PCDH9: variants seen among roughly 807,000 people sequenced by gnomAD.
PCDH9 encodes the protein protocadherin 9, also known as protocadherin-9.
A neutral mutation model predicts 70.6 loss-of-function variants in PCDH9; 24 were observed. That is an observed-to-expected ratio of 0.34 (90% CI 0.25 to 0.48). The LOEUF is 0.48. PCDH9 is among the 20% of genes least tolerant of loss of function. The pLI, the probability that PCDH9 is intolerant of heterozygous loss-of-function variation, is 0.99. For missense variants in PCDH9, 1,281 were observed against 1,503.6 expected (o/e 0.85, Z 2.45); for synonymous variants, 562 against 558.5 (o/e 1.01, Z -0.09).
chr13:67,034,641 C>T (rs260150), intron 2 of PCDH9, among the ~76,000 whole-genome samples: 61,346 of 150,942 alleles, frequency 0.41, 12,829 homozygotes, highest in East Asian at 0.64. Flanking sequence ...TTGGTCTATG[C>T]TTTTATGCTA....
Position 67,011,758 on chromosome 13 carries a change from C to T in PCDH9, c.3037-108153G>A, listed in dbSNP as rs74093516. Reference sequence around the variant, plus strand: ...TTGGAGAGCTGAATATTGTAGGCTGCTTTTCTTAAAATTATCCTGCAAAAA... The same window carrying T: ...TTGGAGAGCTGAATATTGTAGGCTGTTTTTCTTAAAATTATCCTGCAAAAA... On this transcript the variant is annotated intron_variant, in intron 2 of 4. Transcript: ENST00000377865. Among the ~76,000 whole-genome samples, 380 of 151,940 alleles carry T rather than the reference C, an allele frequency of 2.5e-3. 1 individual carries two copies. Among genetic ancestry groups the T allele is most frequent in the African/African-American group, 8.7e-3 (363 of 41,496 alleles).
chr13:66,720,331 T>TG (rs1440289617), intron 3 of PCDH9, among the ~76,000 whole-genome samples: 1 of 149,198 alleles, frequency 6.7e-6, no homozygotes, highest in East Asian at 2.0e-4. Context: ...TTTTTGTTTT[T>TG]TTTTTTTTTT....
At chr13:66,865,806 GT>G (rs1372499779) in intron 3 of PCDH9, among the ~76,000 whole-genome samples, 28 of 152,152 alleles carry the variant, frequency 1.8e-4, no homozygotes, top group Admixed American at 1.8e-3. Flanking sequence ...TATGGCAGCT[GT>G]AACAGAATTT....
At chr13:66,722,474 A>C (rs1345082705) in intron 3 of PCDH9, among the ~76,000 whole-genome samples, 1 of 152,172 alleles carries the variant, frequency 6.6e-6, no homozygotes, top group Non-Finnish European at 1.5e-5. Flanking sequence ...GCCATGGTAG[A>C]CTATCCAGGG....
chr13:66,510,218 G>A (rs1959399117), intron 4 of PCDH9, among the ~76,000 whole-genome samples: 1 of 151,916 alleles, frequency 6.6e-6, no homozygotes, highest in African/African-American at 2.4e-5. Flanking sequence ...CCAATCTACT[G>A]CATGGTTAGC....
At chr13:66,779,681 C>A (rs941655920) in intron 3 of PCDH9, among the ~76,000 whole-genome samples, 1 of 151,630 alleles carries the variant, frequency 6.6e-6, no homozygotes, top group Non-Finnish European at 1.5e-5. Context: ...ATTAGCTGGG[C>A]GTAGTGGCAT....
intron 4 of PCDH9, among the ~76,000 whole-genome samples, chr13:66,553,911 A>G (rs1961605777): frequency 6.6e-6 from 1 of 152,188 alleles, no homozygotes; most frequent in Admixed American, 6.5e-5. Flanking sequence ...AGGTGCCATA[A>G]TTATTTCATT....
At chr13:66,461,120 T>C (rs941024977) in intron 4 of PCDH9, among the ~76,000 whole-genome samples, 75 of 151,920 alleles carry the variant, frequency 4.9e-4, no homozygotes, top group African/African-American at 1.8e-3. Flanking sequence ...AATGCTAAAA[T>C]AAATTAATCG....
At chr13:66,345,373 A>AT (rs999256376) in intron 4 of PCDH9, among the ~76,000 whole-genome samples, 11 of 151,430 alleles carry the variant, frequency 7.3e-5, no homozygotes, top group South Asian at 4.2e-4. Flanking sequence ...TAATGAGGTA[A>AT]TTTTTTTTTC....
At chr13:66,548,833 C>A (rs1961339734) in intron 4 of PCDH9, among the ~76,000 whole-genome samples, 1 of 151,890 alleles carries the variant, frequency 6.6e-6, no homozygotes, top group Non-Finnish European at 1.5e-5. Context: ...CCCAGAGTAA[C>A]CAAAACTTGA....
intron 2 of PCDH9, among the ~76,000 whole-genome samples, chr13:67,049,627 G>A (rs2085285931): frequency 6.6e-6 from 1 of 152,122 alleles, no homozygotes; most frequent in African/African-American, 2.4e-5. Context: ...TTCAAACAAG[G>A]CACCGAGCAC....
chr13:66,646,941 G>T (rs2077779068), intron 3 of PCDH9, among the ~76,000 whole-genome samples: 1 of 152,150 alleles, frequency 6.6e-6, no homozygotes, highest in Admixed American at 6.5e-5. Context: ...GGAACTCGGT[G>T]CTGCCCTGTC....
intron 4 of PCDH9, among the ~76,000 whole-genome samples, chr13:66,612,791 C>G (rs182779768): frequency 6.6e-5 from 10 of 151,808 alleles, no homozygotes; most frequent in Non-Finnish European, 2.9e-5. Context: ...AACACTCTAG[C>G]AGGGACTCTG....
chr13:66,818,405 A>C (rs1441866969), intron 3 of PCDH9, among the ~76,000 whole-genome samples: 1 of 152,232 alleles, frequency 6.6e-6, no homozygotes, highest in African/African-American at 2.4e-5. Context: ...TTCAAATCCA[A>C]ATTTAATTAG....
intron 2 of PCDH9, among the ~76,000 whole-genome samples, chr13:67,167,446 T>A (rs886430552): frequency 6.6e-6 from 1 of 152,204 alleles, no homozygotes; most frequent in African/African-American, 2.4e-5. Flanking sequence ...AACTCTCTAG[T>A]ACATAAATTC....
At chr13:66,487,514 G>T (rs541649854) in intron 4 of PCDH9, among the ~76,000 whole-genome samples, 1 of 151,904 alleles carries the variant, frequency 6.6e-6, no homozygotes, top group Non-Finnish European at 1.5e-5. Context: ...TTATAGTATT[G>T]ATATTGTAAC....
At chr13:66,763,319 T>C (rs1034025179) in intron 3 of PCDH9, among the ~76,000 whole-genome samples, 2 of 151,982 alleles carry the variant, frequency 1.3e-5, no homozygotes, top group Non-Finnish European at 2.9e-5. Context: ...ATTTAACTAA[T>C]AGTTATATTG....
intron 4 of PCDH9, among the ~76,000 whole-genome samples, chr13:66,512,882 G>A (rs1959548796): frequency 2.0e-5 from 3 of 151,900 alleles, no homozygotes; most frequent in South Asian, 2.1e-4. Context: ...AGGCTGGAGT[G>A]GAATGGTGCA....
At chr13:67,172,966 G>C (rs1043127854) in intron 2 of PCDH9, among the ~76,000 whole-genome samples, 4 of 151,514 alleles carry the variant, frequency 2.6e-5, no homozygotes, top group African/African-American at 4.9e-5. Flanking sequence ...AATATTGCAG[G>C]ACTAACTAAA....
Sources: gnomAD v4.1 joint callset for allele counts (sites outside exome capture counted in the v4.1 genomes callset) on GRCh38, gnomAD v4.1.1 for gene constraint, MANE v1.5 for transcripts, NCBI Gene and HGNC (gene_info 2026-07-23, HGNC 2026-07-21) for gene names.